The following DNAI3 variants were observed in gnomAD, a reference collection of about 807,000 sequenced individuals.
DNAI3 encodes the protein WD repeat domain 63.
Under a neutral mutation model 115.5 loss-of-function variants are expected in DNAI3, and 83 were observed. The observed-to-expected ratio is 0.72, with a 90% CI of 0.60 to 0.86. The LOEUF (loss-of-function observed/expected upper bound fraction) is 0.86, where lower values mean the gene tolerates loss of function less well. Among genes scored for constraint, DNAI3 ranks in the 40% least tolerant of loss-of-function variants. The pLI, the probability that DNAI3 is intolerant of heterozygous loss-of-function variation, is 0.00. For synonymous variants in DNAI3, 320 were observed against 347.0 expected, an observed-to-expected ratio of 0.92 and a Z score of 0.86; for missense variants, 1,004 against 1,075.8, an observed-to-expected ratio of 0.93 and a Z score of 0.93.
intron 2 of DNAI3, among the ~76,000 whole-genome samples, chr1:85,072,567 G>A (rs565536105): frequency 4.0e-5 from 6 of 150,928 alleles, no homozygotes; most frequent in East Asian, 3.9e-4. Context: ...ACTTGAACCC[G>A]GGAGGCAGAG....
intron 19 of DNAI3, 75 bp from the exon 20 acceptor site, chr1:85,126,436 A>C: frequency 6.9e-7 from 1 of 1,459,250 alleles, no homozygotes; most frequent in Non-Finnish European, 9.2e-7. Flanking sequence ...GTTGTACTTA[A>C]TGAACAGCAT....
chr1:85,069,897 C>T (rs1207465469), intron 1 of DNAI3, among the ~76,000 whole-genome samples: 2 of 152,140 alleles, frequency 1.3e-5, no homozygotes, highest in Non-Finnish European at 2.9e-5. Flanking sequence ...AGAGTTGAGT[C>T]AGATCCATTC....
At chr1:85,100,874 C>CA (rs1340797648) in intron 13 of DNAI3, among the ~76,000 whole-genome samples, 2 of 146,820 alleles carry the variant, frequency 1.4e-5, no homozygotes, top group South Asian at 2.1e-4. Flanking sequence ...ATGGCAAGGA[C>CA]AAAAAACCAA....
chr1:85,063,709 G>A (rs1654009936), intron 1 of DNAI3, among the ~76,000 whole-genome samples: 1 of 152,210 alleles, frequency 6.6e-6, no homozygotes, highest in Non-Finnish European at 1.5e-5. Context: ...ATACAGGGAA[G>A]AGACTTGATA....
intron 20 of DNAI3, 121 bp downstream of exon 20, chr1:85,126,836 C>A: frequency 1.1e-6 from 1 of 903,226 alleles, no homozygotes. Context: ...CTGCTCATCC[C>A]TTCTTATCCC....
intron 13 of DNAI3, among the ~76,000 whole-genome samples, chr1:85,103,692 G>A (rs1655397079): frequency 6.6e-6 from 1 of 151,868 alleles, no homozygotes; most frequent in South Asian, 2.1e-4. Context: ...TTCCAAACTA[G>A]CCTGGCCAAC....
At chr1:85,099,192 C>A in intron 13 of DNAI3, 1 of 935,078 alleles carries the variant, frequency 1.1e-6, no homozygotes, top group Non-Finnish European at 1.3e-6. Context: ...CCTCACAAAG[C>A]ATGGGATCTA....
intron 1 of DNAI3, among the ~76,000 whole-genome samples, chr1:85,068,684 C>A (rs183195080): frequency 9.2e-5 from 14 of 152,262 alleles, no homozygotes; most frequent in African/African-American, 3.4e-4. Flanking sequence ...CACGACCTAG[C>A]CCCCCTTGTG....
intron 7 of DNAI3, among the ~76,000 whole-genome samples, chr1:85,086,736 A>G (rs934138869): frequency 6.6e-6 from 1 of 151,914 alleles, no homozygotes; most frequent in Non-Finnish European, 1.5e-5. Flanking sequence ...TAGACCATTC[A>G]TCATCATCTC....
chr1:85,072,092 A>T (rs1223211803), intron 2 of DNAI3, 87 bp downstream of exon 2: 2 of 1,216,580 alleles, frequency 1.6e-6, no homozygotes, highest in Non-Finnish European at 2.3e-6. Context: ...TTACATATCA[A>T]ATGAAATAAA....
intron 20 of DNAI3, among the ~76,000 whole-genome samples, chr1:85,127,841 A>C (rs1256408727): frequency 6.6e-6 from 1 of 152,202 alleles, no homozygotes; most frequent in Non-Finnish European, 1.5e-5. Flanking sequence ...CAGGCCGGGC[A>C]TGGTGGCTTA....
At chr1:85,093,769 A>C (rs709762) in intron 9 of DNAI3, 121 bp downstream of exon 9, 5 of 1,207,742 alleles carry the variant, frequency 4.1e-6, no homozygotes, top group Non-Finnish European at 6.0e-6. Flanking sequence ...CTCTGTACTC[A>C]CTAGGTACCT....
chr1:85,096,300 A>G (rs929845596), intron 11 of DNAI3, among the ~76,000 whole-genome samples: 6 of 152,094 alleles, frequency 3.9e-5, no homozygotes, highest in Admixed American at 3.9e-4. Context: ...ATAAGATTCC[A>G]TGGAAGAACA....
intron 12 of DNAI3, among the ~76,000 whole-genome samples, 170 bp from the exon 13 acceptor site, chr1:85,098,360 G>C (rs936387763): frequency 3.9e-5 from 6 of 152,198 alleles, no homozygotes; most frequent in Non-Finnish European, 7.3e-5. Flanking sequence ...GAAGGGAAAA[G>C]TAGATAATCC....
chr1:85,094,725 A>G (rs536273810), intron 10 of DNAI3, among the ~76,000 whole-genome samples, 170 bp downstream of exon 10: 2 of 152,280 alleles, frequency 1.3e-5, no homozygotes, highest in Non-Finnish European at 2.9e-5. Flanking sequence ...GAGCAAAACT[A>G]AAGTTTACAA....
intron 18 of DNAI3, among the ~76,000 whole-genome samples, chr1:85,123,651 C>T (rs1401708118): frequency 6.6e-6 from 1 of 152,200 alleles, no homozygotes; most frequent in African/African-American, 2.4e-5. Context: ...GTTATTCTTA[C>T]TTGTAATATT....
intron 9 of DNAI3, chr1:85,093,873 C>T (rs1050298394): frequency 3.1e-6 from 2 of 652,562 alleles, no homozygotes; most frequent in African/African-American, 1.8e-5. Flanking sequence ...AACAAAAGGA[C>T]CCAAGCTCAA....
intron 1 of DNAI3, among the ~76,000 whole-genome samples, chr1:85,071,125 A>AT (rs1557705318): frequency 2.0e-5 from 3 of 152,208 alleles, no homozygotes; most frequent in Admixed American, 2.0e-4. Context: ...TGTGGGGTAG[A>AT]TTTTATTATT....
rs1655546558 is a variant in DNAI3, at chr1:85,108,138, T to A, written c.1659T>A (p.Thr553=). 4 of 1,606,432 alleles carry A rather than the reference T, an allele frequency of 2.5e-6. No homozygotes were observed. In the East Asian group the frequency reaches 6.7e-5, roughly 27 times the overall value. ...SIEIPFDVPS[T]FLHLDLSWKP... is the part of the protein sequence containing the mutation. The stretch of plus-strand genomic sequence containing the variant: ...AAATTCCTTTTGATGTACCATCTAC[T>A]TTTTTGCATCTGGATCTCTCCTGGA... The change falls in exon 15 of 23, where the codon ACT becomes ACA. Residue 553 remains threonine, a synonymous_variant. Coordinates refer to ENST00000294664, the MANE Select transcript of DNAI3 (RefSeq NM_145172.5).
Sources: gnomAD v4.1 joint callset for allele counts (sites outside exome capture counted in the v4.1 genomes callset) on GRCh38, gnomAD v4.1.1 for gene constraint, MANE v1.5 for transcripts, NCBI Gene and HGNC (gene_info 2026-07-23, HGNC 2026-07-21) for gene names.